RNF217: variants seen among roughly 807,000 people sequenced by gnomAD.
RNF217 encodes the protein ring finger protein 217.
RNF217 carries 31 observed loss-of-function variants against 57.8 expected under a neutral mutation model. That is an observed-to-expected ratio of 0.54 (90% CI 0.40 to 0.72). RNF217 has a LOEUF of 0.72. Ranked by LOEUF, RNF217 falls within the 30% of genes least tolerant of loss-of-function variation. RNF217 has a pLI of 0.00. For synonymous variants in RNF217, 313 were observed against 294.0 expected (o/e 1.06, Z -0.66); for missense variants, 696 against 708.3 (o/e 0.98, Z 0.20).
chr6:124,994,715 A>G (rs1366454795), intron 1 of RNF217, among the ~76,000 whole-genome samples: 1 of 152,226 alleles, frequency 6.6e-6, no homozygotes, highest in Non-Finnish European at 1.5e-5. Context: ...CTTTTGTGCT[A>G]GTAAGTGCTA....
intron 1 of RNF217, among the ~76,000 whole-genome samples, chr6:124,967,468 G>C (rs1007960113): frequency 5.9e-5 from 9 of 152,236 alleles, no homozygotes; most frequent in African/African-American, 2.2e-4. Context: ...GAAAGGAAGA[G>C]ACATGAGGAT....
chr6:124,988,722 C>T (rs991557963), intron 1 of RNF217, among the ~76,000 whole-genome samples: 1 of 152,172 alleles, frequency 6.6e-6, no homozygotes, highest in African/African-American at 2.4e-5. Context: ...AATCTTTAAA[C>T]TTCTCTAATT....
intron 1 of RNF217, among the ~76,000 whole-genome samples, chr6:125,015,436 T>C (rs1785565023): frequency 6.6e-6 from 1 of 152,034 alleles, no homozygotes; most frequent in Non-Finnish European, 1.5e-5. Context: ...TACAATATAG[T>C]AGAGAAAACA....
intron 1 of RNF217, among the ~76,000 whole-genome samples, chr6:124,979,134 G>A (rs753755300): frequency 1.3e-5 from 2 of 152,186 alleles, no homozygotes; most frequent in Admixed American, 1.3e-4. Flanking sequence ...GCTTCAGGCT[G>A]TCTTGGCTTG....
At chr6:125,002,490 A>G (rs1026480903) in intron 1 of RNF217, among the ~76,000 whole-genome samples, 9 of 152,102 alleles carry the variant, frequency 5.9e-5, no homozygotes, top group East Asian at 3.9e-4. Context: ...TTGCTTCTCT[A>G]TGCTTTGTTT....
At chr6:125,046,725 GA>G in intron 2 of RNF217, 1 of 455,246 alleles carries the variant, frequency 2.2e-6, no homozygotes, top group Non-Finnish European at 4.4e-6. Flanking sequence ...TTGTAGCTTT[GA>G]GGGGACCATG....
chr6:125,088,986 G>A lies in RNF217; in HGVS notation c.*6049G>A, dbSNP rs988790276. ...CTTGGCCAAGTGTGGGATAAATTCT[G>A]TCTCGCCCGTAACTCCTTTCACTGT... On this transcript the variant is annotated 3_prime_UTR_variant, in exon 6 of 6. Coordinates refer to ENST00000521654, the MANE Select transcript of RNF217 (RefSeq NM_001286398.3). 16 of 152,602 alleles carry A rather than the reference G, an allele frequency of 1.0e-4. No individual in the cohort carries two copies. Among genetic ancestry groups the A allele is most frequent in the Middle Eastern group, 3.4e-3 (1 of 294 alleles). The allele number at this position is 152,602 out of a possible 1,614,324, so 9.5% of individuals were successfully genotyped here.
chr6:125,082,704 A>G (rs1788618900), intron 5 of RNF217, 160 bp from the exon 6 acceptor site: 2 of 1,311,764 alleles, frequency 1.5e-6, no homozygotes, highest in South Asian at 2.7e-5. Flanking sequence ...AAAGGGAAAT[A>G]TTAAAGAATG....
At chr6:125,037,634 A>C (rs761342399) in intron 1 of RNF217, among the ~76,000 whole-genome samples, 1 of 152,160 alleles carries the variant, frequency 6.6e-6, no homozygotes, top group Non-Finnish European at 1.5e-5. Context: ...CTGATGAGTA[A>C]AGTGAGGCGG....
chr6:125,010,639 G>A (rs920288882), intron 1 of RNF217, among the ~76,000 whole-genome samples: 4 of 152,132 alleles, frequency 2.6e-5, no homozygotes, highest in African/African-American at 9.7e-5. Flanking sequence ...TAAAAAAATA[G>A]ATCTTTACAA....
chr6:125,032,689 A>C (rs1432012970), intron 1 of RNF217, among the ~76,000 whole-genome samples: 2 of 152,146 alleles, frequency 1.3e-5, no homozygotes, highest in African/African-American at 2.4e-5. Flanking sequence ...TTGTATGTCT[A>C]CTTTATACTT....
At chr6:125,075,515 A>G (rs961608159) in intron 3 of RNF217, among the ~76,000 whole-genome samples, 20 of 152,122 alleles carry the variant, frequency 1.3e-4, no homozygotes, top group Non-Finnish European at 1.8e-4. Context: ...AGACGCTTAC[A>G]AAACTATCAG....
chr6:124,972,554 C>T (rs1021897635), intron 1 of RNF217, among the ~76,000 whole-genome samples: 2 of 152,140 alleles, frequency 1.3e-5, no homozygotes, highest in African/African-American at 4.8e-5. Flanking sequence ...CCTGTGTGTC[C>T]GTCTGAGCTT....
At chr6:125,077,739 T>C (rs1377541197) in intron 4 of RNF217, among the ~76,000 whole-genome samples, 1 of 152,226 alleles carries the variant, frequency 6.6e-6, no homozygotes, top group East Asian at 1.9e-4. Flanking sequence ...ATTCCTTTTC[T>C]GGCCGTGTTT....
chr6:125,082,554 TG>T, intron 5 of RNF217: 1 of 1,612,032 alleles, frequency 6.2e-7, no homozygotes, highest in South Asian at 1.1e-5. Flanking sequence ...CTATACTGCC[TG>T]AAACAAGTGT....
chr6:125,002,424 T>C (rs962937400), intron 1 of RNF217, among the ~76,000 whole-genome samples: 6 of 151,202 alleles, frequency 4.0e-5, no homozygotes, highest in African/African-American at 1.5e-4. Flanking sequence ...ATCCAAATGC[T>C]GTCGTGCCCC....
At chr6:124,967,384 T>C (rs1783585895) in intron 1 of RNF217, among the ~76,000 whole-genome samples, 1 of 152,232 alleles carries the variant, frequency 6.6e-6, no homozygotes, top group South Asian at 2.1e-4. Context: ...ACCAATATTT[T>C]TCTTTTATGA....
intron 1 of RNF217, among the ~76,000 whole-genome samples, chr6:124,991,769 TAGCCACA>T (rs1447380357): frequency 2.6e-5 from 4 of 152,232 alleles, no homozygotes; most frequent in Non-Finnish European, 4.4e-5. Flanking sequence ...CCTGTGCTAA[TAGCCACA>T]TGGTACTATT....
rs1788819898 is a variant in RNF217 at position 125,087,983 on chromosome 6, C to T, written c.*5046C>T. 6.7e-6 allele frequency: 1 copy of T among 149,244 alleles called. No individual in the cohort carries two copies. The highest frequency in any genetic ancestry group is 2.5e-5 in the African/African-American group (1 of 39,632). 9.2% of individuals were successfully genotyped at this position (149,244 alleles called of 1,614,324 possible). Reference sequence around the variant, plus strand: ...AGTTATAATTTAATTATGATACTGTCCCCCTAATATGGAAAATAAGTTACA... The same window carrying T: ...AGTTATAATTTAATTATGATACTGTTCCCCTAATATGGAAAATAAGTTACA... On this transcript the variant is annotated 3_prime_UTR_variant, in exon 6 of 6. Coordinates refer to ENST00000521654, the MANE Select transcript of RNF217 (RefSeq NM_001286398.3).
Sources: allele counts gnomAD v4.1 joint callset (sites outside exome capture counted in the v4.1 genomes callset), GRCh38; gene constraint gnomAD v4.1.1; transcripts MANE v1.5; gene names NCBI Gene and HGNC (gene_info 2026-07-23, HGNC 2026-07-21).